TEX2: variants seen among roughly 807,000 people sequenced by gnomAD.
TEX2 encodes testis expressed 2.
In TEX2, 53 loss-of-function variants were observed where a neutral mutation model predicts 106.9. That is an observed-to-expected ratio of 0.50 (90% CI 0.40 to 0.62). The LOEUF is 0.62. Ranked by LOEUF, TEX2 falls within the 20% of genes least tolerant of loss-of-function variation. The probability of loss-of-function intolerance (pLI) is 0.00; values close to 1 mark genes in which losing one functional copy is unlikely to be tolerated. For synonymous variants in TEX2, 523 were observed against 534.8 expected (o/e 0.98, Z 0.30); for missense variants, 1,207 against 1,379.0 (o/e 0.88, Z 1.98).
In TEX2 at chr17:64,153,507, T is replaced by C. The variant is rs1054190240; in HGVS notation, c.2931-353A>G. Among the ~76,000 whole-genome samples, 4 of 152,184 alleles carry C rather than the reference T, an allele frequency of 2.6e-5. No individual in the cohort carries two copies. Among genetic ancestry groups the C allele is most frequent in the South Asian group, 2.1e-4 (1 of 4,826 alleles). ...CTTGACAATGGAGAGCTGGACAAAG[T>C]CCTCATGCAGAGGTTTCTCACCTGT... On this transcript the variant is annotated intron_variant, in intron 9 of 11. Transcript: ENST00000584379. This position sits in a 1 kb window ranked among gnomAD's most constrained non-coding sequence, Gnocchi z 4.1.
intron 1 of TEX2, among the ~76,000 whole-genome samples, chr17:64,254,627 TGAAATTCAACATATA>T (rs2034152052): frequency 6.6e-6 from 1 of 152,202 alleles, no homozygotes; most frequent in African/African-American, 2.4e-5. Flanking sequence ...AAAATAAAAA[TGAAATTCAACATATA>T]GAAACTTTCG....
chr17:64,189,148 T>C (rs2032203440), intron 4 of TEX2, among the ~76,000 whole-genome samples: 1 of 152,140 alleles, frequency 6.6e-6, no homozygotes, highest in Non-Finnish European at 1.5e-5. Context: ...ATCAAGCACT[T>C]TCAAGCACAC....
Position 64,212,560 on chromosome 17 carries a change from G to A in TEX2, c.1644+14C>T, listed in dbSNP as rs782608415. ...GAAGTGTGTGTACTAGCCAGCTCCCGGGGAGAGGCTTACCTTCAGTATTTC... is the reference window on the plus strand; with the variant it reads ...GAAGTGTGTGTACTAGCCAGCTCCCAGGGAGAGGCTTACCTTCAGTATTTC... On this transcript the variant is annotated intron_variant, in intron 2 of 11. Coordinates refer to ENST00000584379, the MANE Select transcript of TEX2 (RefSeq NM_001288732.2). 36 of 1,604,502 alleles carry A rather than the reference G, an allele frequency of 2.2e-5. No homozygotes were observed. The Admixed American group carries it at 2.5e-4, about 11-fold the overall frequency.
rs782469214 is a variant in TEX2 at position 64,213,962 on chromosome 17, C to T, written c.256G>A (p.Ala86Thr). ...AGGACAGGCGAGGCAGCAGGGCCGG[C>T]GGGGTCATGGCCAACTTGGGGTTCA... The part of the protein sequence containing the change: ...YLEPQVGHDP[A>T]GPAASPVLAD... The change falls in exon 2 of 12, where the codon GCC (alanine) becomes ACC (threonine). Residue 86 changes from alanine (A) to threonine (T), a missense_variant. By Grantham distance (58) the Ala-to-Thr change is moderately conservative. This residue lies in a region of TEX2 where 1,067 missense variants were observed against 1,193.6 expected (regional missense o/e 0.89). Coordinates refer to ENST00000584379, the MANE Select transcript of TEX2 (RefSeq NM_001288732.2). The surrounding 1 kb of genome is among the most constrained non-coding windows in gnomAD (Gnocchi z 4.4). 2.5e-5 allele frequency: 40 copies of T among 1,614,046 alleles called. No homozygotes were observed. Among genetic ancestry groups the T allele is most frequent in the African/African-American group, 8.0e-5 (6 of 74,914 alleles).
intron 7 of TEX2, among the ~76,000 whole-genome samples, chr17:64,167,909 G>A (rs564660209): frequency 6.6e-6 from 1 of 152,286 alleles, no homozygotes; most frequent in South Asian, 2.1e-4. Flanking sequence ...CAGGTAGTCG[G>A]GTCCAGAGCT....
intron 1 of TEX2, among the ~76,000 whole-genome samples, chr17:64,219,496 AC>A (rs1555633003): frequency 3.4e-5 from 5 of 148,276 alleles, no homozygotes; most frequent in African/African-American, 9.9e-5. Flanking sequence ...ACAGAGTGAG[AC>A]TCCATCTCAT....
intron 5 of TEX2, among the ~76,000 whole-genome samples, chr17:64,181,157 A>G (rs1364163329): frequency 6.6e-6 from 1 of 152,224 alleles, no homozygotes; most frequent in Non-Finnish European, 1.5e-5. Flanking sequence ...CAGTGTATAT[A>G]TACATTTAAG....
At position 64,210,634 on chromosome 17, in the gene TEX2, C is replaced by CTTTTTTTTTTTTTTTTTTTT. The variant is rs58313195; in HGVS notation, c.1644+1920_1644+1939dup. On this transcript the variant is annotated intron_variant, in intron 2 of 11. Transcript: ENST00000584379. Reference sequence around the variant, plus strand: ...TAAAAGAATTCTCCCCAACCCCCAGCTTTTTTTTTTTTTTTTTTTTTTTTT... The same window carrying CTTTTTTTTTTTTTTTTTTTT: ...TAAAAGAATTCTCCCCAACCCCCAGCTTTTTTTTTTTTTTTTTTTTTTTTTTTTTTTTTTTTTTTTTTTTT... 1.6e-4 allele frequency among the ~76,000 whole-genome samples: 12 copies of CTTTTTTTTTTTTTTTTTTTT among 74,756 alleles called. 1 individual carries two copies. Among genetic ancestry groups the CTTTTTTTTTTTTTTTTTTTT allele is most frequent in the South Asian group, 5.2e-4 (1 of 1,912 alleles). 49.0% of individuals were successfully genotyped at this position (74,756 alleles called of 152,430 possible).
rs572325250 is a variant in TEX2, at chr17:64,222,128, T to G, written c.-25-7886A>C. Among the ~76,000 whole-genome samples the G allele has an allele frequency of 7.2e-5, 11 of 152,308 alleles. No homozygotes were observed. The South Asian group carries it at 2.3e-3, about 32-fold the overall frequency. ...TGAATATACTTAATACTACCGAACT[T>G]AAAAATGGTTAAGATGGTAAAATTT... On this transcript the variant is annotated intron_variant, in intron 1 of 11. Coordinates refer to ENST00000584379, the MANE Select transcript of TEX2 (RefSeq NM_001288732.2).
In TEX2 at chr17:64,190,424, T is replaced by C. The variant is rs190850953; in HGVS notation, c.2177-2009A>G. On this transcript the variant is annotated intron_variant, in intron 4 of 11. Coordinates refer to ENST00000584379, the MANE Select transcript of TEX2 (RefSeq NM_001288732.2). ...AAAAGATGAAATAAACAGGGCAGCATGATACCAACACTTCAAACCAAACTG... is the reference window on the plus strand; with the variant it reads ...AAAAGATGAAATAAACAGGGCAGCACGATACCAACACTTCAAACCAAACTG... Among the ~76,000 whole-genome samples, 498 of 152,296 alleles carry C rather than the reference T, an allele frequency of 3.3e-3. 1 individual carries two copies. Among genetic ancestry groups the C allele is most frequent in the Non-Finnish European group, 5.1e-3 (347 of 68,012 alleles).
chr17:64,166,379 C>T (rs1036739724), intron 7 of TEX2, among the ~76,000 whole-genome samples: 1 of 152,206 alleles, frequency 6.6e-6, no homozygotes, highest in African/African-American at 2.4e-5. Context: ...GAATGGTGTA[C>T]GAGCAGGACC....
chr17:64,240,233 A>ATGTG (rs67965706), intron 1 of TEX2, among the ~76,000 whole-genome samples: 13,871 of 147,316 alleles, frequency 0.094, 736 homozygotes, highest in South Asian at 0.16. Context: ...GTATATGCAG[A>ATGTG]TGTGTGTGTG....
chr17:64,177,623 G>A (rs1967130), intron 5 of TEX2, 152 bp from the exon 6 acceptor site: 737,386 of 737,390 alleles, frequency 1, 368,691 homozygotes, highest in Middle Eastern at 1. Context: ...GTCCCACATT[G>A]TATTGGTGAC....
intron 1 of TEX2, among the ~76,000 whole-genome samples, chr17:64,220,045 A>G (rs1380256379): frequency 2.0e-5 from 3 of 152,250 alleles, no homozygotes; most frequent in Non-Finnish European, 2.9e-5. Context: ...AGAAGCAGAC[A>G]TCAGAGTAAT....
At chr17:64,163,857 AG>A (rs1392980830) in intron 7 of TEX2, among the ~76,000 whole-genome samples, 1 of 152,244 alleles carries the variant, frequency 6.6e-6, no homozygotes, top group Non-Finnish European at 1.5e-5. Context: ...ATGCGGTTAC[AG>A]GGCCCTTTCT....
chr17:64,244,016 C>T (rs2033941027), intron 1 of TEX2, among the ~76,000 whole-genome samples: 1 of 152,030 alleles, frequency 6.6e-6, no homozygotes, highest in Non-Finnish European at 1.5e-5. Context: ...ACTATGTTGG[C>T]CAGGTTGGTC....
At chr17:64,218,218 C>T (rs1462357185) in intron 1 of TEX2, among the ~76,000 whole-genome samples, 1 of 151,614 alleles carries the variant, frequency 6.6e-6, no homozygotes, top group Admixed American at 6.6e-5. Flanking sequence ...TGCACCCCAG[C>T]GTGGGTGACA....
chr17:64,217,903 T>G lies in TEX2; in HGVS notation c.-25-3661A>C, dbSNP rs1555632832. Among the ~76,000 whole-genome samples, 2 of 152,142 alleles carry G rather than the reference T, an allele frequency of 1.3e-5. No individual in the cohort carries two copies. The highest frequency in any genetic ancestry group is 4.8e-5 in the African/African-American group (2 of 41,420). On this transcript the variant is annotated intron_variant, in intron 1 of 11. Transcript: ENST00000584379. This position sits in a 1 kb window ranked among gnomAD's most constrained non-coding sequence, Gnocchi z 4.3. ...GTATGATTTCGTGCTGGAGAGGTGT[T>G]TAAGCAAAAGTCTGACATGATCAAA...
chr17:64,150,124 T>C (rs1311679438), intron 11 of TEX2: 1 of 152,132 alleles, frequency 6.6e-6, no homozygotes, highest in East Asian at 1.9e-4. Context: ...AAAAAGAATG[T>C]AGGTCTTCTT....
Sources: allele counts gnomAD v4.1 joint callset (sites outside exome capture counted in the v4.1 genomes callset), GRCh38; gene constraint gnomAD v4.1.1; regional missense constraint gnomAD v4.1.1; non-coding constraint Gnocchi (gnomAD v3.1); transcripts MANE v1.5; gene names NCBI Gene and HGNC (gene_info 2026-07-23, HGNC 2026-07-21).